Variants in ANAPC4 observed in about 807,000 individuals in gnomAD.
The protein encoded by ANAPC4 is anaphase promoting complex subunit 4, also known as anaphase-promoting complex subunit 4.
ANAPC4 carries 63 observed loss-of-function variants against 119.8 expected under a neutral mutation model. The observed-to-expected ratio is 0.53, with a 90% CI of 0.43 to 0.65. The LOEUF is 0.65. Ranked by LOEUF, ANAPC4 falls within the 30% of genes least tolerant of loss-of-function variation. The pLI is 0.00. For missense variants in ANAPC4, 716 were observed against 945.1 expected (o/e 0.76, Z 3.18); for synonymous variants, 283 against 318.6 (o/e 0.89, Z 1.19).
intron 9 of ANAPC4, 72 bp downstream of exon 9, chr4:25,391,087 C>T (rs1273421003): frequency 8.9e-7 from 1 of 1,118,472 alleles, no homozygotes; most frequent in African/African-American, 1.6e-5. Context: ...TTTTTATCCA[C>T]ATCTCACTGT....
chr4:25,402,865 A>T (rs1195224171), intron 16 of ANAPC4, 106 bp from the exon 17 acceptor site: 1 of 546,742 alleles, frequency 1.8e-6, no homozygotes, highest in East Asian at 3.4e-5. Flanking sequence ...CCCAGATAGG[A>T]TAAAATAGAA....
In ANAPC4 at chr4:25,396,705, G is replaced by A; in HGVS notation, c.1103G>A (p.Gly368Glu). ...TTATACCATTTGAGTGAATTGAAAG[G>A]AATGGCTTCATGGAAGCAAAAATAT... ...SLLYHLSELK[G>E]MASWKQKYEP... The change falls in exon 15 of 29, where the codon GGA becomes GAA. Residue 368 changes from glycine to glutamate, a missense_variant. This residue lies in a region of ANAPC4 where 504 missense variants were observed against 615.8 expected (regional missense o/e 0.82). Coordinates refer to ENST00000315368, the MANE Select transcript of ANAPC4 (RefSeq NM_013367.3). 1 of 1,613,578 alleles carries A rather than the reference G, an allele frequency of 6.2e-7. No homozygotes were observed. Among genetic ancestry groups the A allele is most frequent in the Non-Finnish European group, 8.5e-7 (1 of 1,179,836 alleles).
In ANAPC4 at chr4:25,405,511, T is replaced by C; in HGVS notation, c.1271-62T>C. The C allele has an allele frequency of 1.4e-6, 2 of 1,436,322 alleles. No homozygotes were observed. Among genetic ancestry groups the C allele is most frequent in the Non-Finnish European group, 2.0e-6 (2 of 1,022,826 alleles). 89.0% of individuals were successfully genotyped at this position (1,436,322 alleles called of 1,614,324 possible). A position where few individuals can be genotyped will look rare whatever the true frequency, so the allele number is the denominator to read the frequency against. ...AAACACCTTGTCTTTGAAATGTATT[T>C]ATAATTAAAATTATGTTTGTAGTTT... On this transcript the variant is annotated intron_variant, in intron 17 of 28. Transcript: ENST00000315368. This position sits in a 1 kb window ranked among gnomAD's most constrained non-coding sequence, Gnocchi z 4.6.
rs551684452 is a variant in ANAPC4 at position 25,392,426 on chromosome 4, T to G, written c.789+5T>G. 1 of 1,592,376 alleles carries G rather than the reference T, an allele frequency of 6.3e-7. No individual in the cohort carries two copies. Among genetic ancestry groups the G allele is most frequent in the African/African-American group, 1.3e-5 (1 of 74,524 alleles). On this transcript the variant is annotated splice_donor_5th_base_variant and intron_variant, in intron 10 of 28. Transcript: ENST00000315368. Reference sequence around the variant, plus strand: ...CATATTTCAGCTCTGTTACAGGTATTTATTTAGAGCTTGTTTTATGTGAAT... The same window carrying G: ...CATATTTCAGCTCTGTTACAGGTATGTATTTAGAGCTTGTTTTATGTGAAT...
Position 25,417,445 on chromosome 4 carries a change from T to C in ANAPC4, c.2076-171T>C, listed in dbSNP as rs61251750. On this transcript the variant is annotated intron_variant, in intron 27 of 28. Transcript: ENST00000315368. ...CAGAATATAGAATATGGAATTTTTA[T>C]AGAATATTATATCACAGCTTTTTTT... 5,777 of 639,558 alleles carry C rather than the reference T, an allele frequency of 9.0e-3. 238 individuals are homozygous for C. The highest frequency in any genetic ancestry group is 0.089 in the African/African-American group (4,708 of 52,998). The allele number at this position is 639,558 out of a possible 1,614,324, so 39.6% of individuals were successfully genotyped here.
chr4:25,398,878 G>A (rs530705295), intron 16 of ANAPC4, among the ~76,000 whole-genome samples: 54 of 151,868 alleles, frequency 3.6e-4, no homozygotes, highest in African/African-American at 1.3e-3. Flanking sequence ...ACTTGAAAGA[G>A]TAGAATTGAT....
In ANAPC4 at chr4:25,396,654, G is replaced by C; in HGVS notation, c.1062-10G>C. The C allele has an allele frequency of 1.9e-6, 3 of 1,589,298 alleles. No individual in the cohort carries two copies. Among genetic ancestry groups the C allele is most frequent in the Non-Finnish European group, 2.6e-6 (3 of 1,167,730 alleles). Reference sequence around the variant, plus strand: ...CATGATACTAATTTATTTCTGCTCTGTTTGGATAGTGGCTCGGAGTCTTTA... The same window carrying C: ...CATGATACTAATTTATTTCTGCTCTCTTTGGATAGTGGCTCGGAGTCTTTA... On this transcript the variant is annotated splice_polypyrimidine_tract_variant and intron_variant, in intron 14 of 28. Coordinates refer to ENST00000315368, the MANE Select transcript of ANAPC4 (RefSeq NM_013367.3).
intron 4 of ANAPC4, among the ~76,000 whole-genome samples, chr4:25,388,234 T>G (rs1722149954): frequency 6.6e-6 from 1 of 152,224 alleles, no homozygotes; most frequent in South Asian, 2.1e-4. Flanking sequence ...GCATTTCATA[T>G]GCTAAGAAAA....
intron 12 of ANAPC4, 59 bp from the exon 13 acceptor site, chr4:25,394,612 G>C: frequency 6.7e-7 from 1 of 1,495,314 alleles, no homozygotes; most frequent in Non-Finnish European, 9.0e-7. Context: ...AAAGTTGTAA[G>C]TGATGCATTC....
rs1261122800 is a variant in ANAPC4 at position 25,417,605 on chromosome 4, T to C, written c.2076-11T>C. The C allele has an allele frequency of 3.2e-6, 5 of 1,575,928 alleles. No homozygotes were observed. The highest frequency in any genetic ancestry group is 1.2e-5 in the South Asian group (1 of 83,978). ...CTTTTCATTCCTGAGTTGGTTTTTT[T>C]CCCTCTTTAGGCTAGATGAACAGTG... On this transcript the variant is annotated splice_polypyrimidine_tract_variant and intron_variant, in intron 27 of 28. Transcript: ENST00000315368.
intron 9 of ANAPC4, among the ~76,000 whole-genome samples, chr4:25,392,083 C>G (rs1229006744): frequency 1.3e-5 from 2 of 152,116 alleles, no homozygotes; most frequent in Admixed American, 1.3e-4. Flanking sequence ...CTTTGTAATA[C>G]TGTTTCAAAA....
chr4:25,386,433 G>A (rs902616395), intron 4 of ANAPC4, among the ~76,000 whole-genome samples: 4 of 151,666 alleles, frequency 2.6e-5, no homozygotes, highest in Non-Finnish European at 4.4e-5. Context: ...GGCTGGTCTC[G>A]AACTCCTCTC....
chr4:25,403,157 T>C (rs1723071371), intron 17 of ANAPC4, 131 bp downstream of exon 17: 1 of 603,200 alleles, frequency 1.7e-6, no homozygotes, highest in Admixed American at 3.9e-5. Context: ...ATCCCTGTTG[T>C]ACCTTTCACC....
At chr4:25,406,163 A>AAAATG (rs1166061978) in intron 18 of ANAPC4, among the ~76,000 whole-genome samples, 2 of 152,188 alleles carry the variant, frequency 1.3e-5, no homozygotes, top group Non-Finnish European at 2.9e-5. Flanking sequence ...TGAGCCTGAA[A>AAAATG]AAATGGACAG....
rs1325119738 is a variant in ANAPC4 at position 25,393,867 on chromosome 4, T to G, written c.852T>G (p.Asp284Glu). 6.2e-7 allele frequency: 1 copy of G among 1,611,248 alleles called. No individual in the cohort carries two copies. Among genetic ancestry groups the G allele is most frequent in the East Asian group, 2.2e-5 (1 of 44,776 alleles). The part of the protein sequence containing the change: ...EAWEEILMQM[D>E]SRLTKFVQEK... ...GGGAAGAAATACTAATGCAGATGGA[T>G]TCTCGTCTCACCAAGTTTGTGCAGG... Residue 284 changes from aspartate (D) to glutamate (E), a missense_variant, in exon 11 of 29, where the codon GAT (aspartate) becomes GAG (glutamate). This residue lies in a region of ANAPC4 where 504 missense variants were observed against 615.8 expected (regional missense o/e 0.82). Coordinates refer to ENST00000315368, the MANE Select transcript of ANAPC4 (RefSeq NM_013367.3).
intron 16 of ANAPC4, among the ~76,000 whole-genome samples, chr4:25,399,851 A>C (rs1436073826): frequency 6.6e-6 from 1 of 152,134 alleles, no homozygotes; most frequent in Non-Finnish European, 1.5e-5. Context: ...CTGATTTAAG[A>C]ATGGGGACGA....
chr4:25,394,273 A>T, intron 11 of ANAPC4, 37 bp from the exon 12 acceptor site: 1 of 1,515,904 alleles, frequency 6.6e-7, no homozygotes, highest in Non-Finnish European at 8.9e-7. Context: ...AATTTAAGAA[A>T]TACATATATC....
intron 21 of ANAPC4, 134 bp from the exon 22 acceptor site, chr4:25,413,511 C>A (rs1295565119): frequency 6.3e-3 from 3,157 of 504,300 alleles, no homozygotes; most frequent in East Asian, 0.01. Context: ...GTGTGAAAAT[C>A]CAATGAAGTG....
chr4:25,416,723 G>T, intron 27 of ANAPC4, 125 bp downstream of exon 27: 1 of 729,624 alleles, frequency 1.4e-6, no homozygotes, highest in Non-Finnish European at 2.0e-6. Flanking sequence ...CACAGAGGTA[G>T]CTGAGCAGAA....
Sources: gnomAD v4.1 joint callset for allele counts (sites outside exome capture counted in the v4.1 genomes callset) on GRCh38, gnomAD v4.1.1 for gene constraint, gnomAD v4.1.1 regional missense constraint, Gnocchi (gnomAD v3.1) non-coding constraint, MANE v1.5 for transcripts, NCBI Gene and HGNC (gene_info 2026-07-23, HGNC 2026-07-21) for gene names.